Variants in TEX14 observed in about 807,000 individuals in gnomAD.
TEX14 encodes inactive serine/threonine-protein kinase TEX14.
In TEX14, 168 loss-of-function variants were observed where a neutral mutation model predicts 178.6. The ratio of observed to expected loss-of-function variants is 0.94; its 90% CI spans 0.83 to 1.07. The LOEUF (loss-of-function observed/expected upper bound fraction) is 1.07, where lower values mean the gene tolerates loss of function less well. Ranked by LOEUF, TEX14 falls within the 50% of genes least tolerant of loss-of-function variation. TEX14 has a pLI of 0.00. For synonymous variants in TEX14, 626 were observed against 634.1 expected, an observed-to-expected ratio of 0.99 and a Z score of 0.19; for missense variants, 1,730 against 1,753.6, an observed-to-expected ratio of 0.99 and a Z score of 0.24.
At position 58,615,229 on chromosome 17, in the gene TEX14, C is replaced by T; in HGVS notation, c.881+3G>A. 2 of 1,599,860 alleles carry T rather than the reference C, an allele frequency of 1.3e-6. No homozygotes were observed. The highest frequency in any genetic ancestry group is 1.7e-6 in the Non-Finnish European group (2 of 1,167,206). ...TATAAGGGGCCTTGGGCTTCCTTCT[C>T]ACCTGCTGTGTTCCTGCTCGGCAAT... is the stretch of plus-strand genomic sequence containing the variant. On this transcript the variant is annotated splice_donor_region_variant and intron_variant, in intron 8 of 31. Transcript: ENST00000349033.
At chr17:58,675,000 G>A (rs1433029882) in intron 1 of TEX14, among the ~76,000 whole-genome samples, 4 of 151,826 alleles carry the variant, frequency 2.6e-5, no homozygotes, top group Non-Finnish European at 4.4e-5. Flanking sequence ...ACAAAAATTA[G>A]CTGGGCATGG....
intron 11 of TEX14, among the ~76,000 whole-genome samples, chr17:58,603,214 T>C (rs1167479144): frequency 1.3e-5 from 2 of 151,338 alleles, no homozygotes; most frequent in Non-Finnish European, 2.9e-5. Context: ...CCAATATTCA[T>C]CTCATGTATA....
At chr17:58,582,632 C>T (rs1438203692) in intron 19 of TEX14, among the ~76,000 whole-genome samples, 2 of 147,906 alleles carry the variant, frequency 1.4e-5, no homozygotes, top group East Asian at 4.0e-4. Flanking sequence ...GGCATGATCT[C>T]GGCTCACTGC....
At chr17:58,674,021 C>T (rs918469541) in intron 1 of TEX14, among the ~76,000 whole-genome samples, 3 of 152,136 alleles carry the variant, frequency 2.0e-5, no homozygotes, top group Admixed American at 2.0e-4. Flanking sequence ...CACCTGTAAT[C>T]CTGGCACTTT....
At chr17:58,623,107 A>G in intron 3 of TEX14, 95 bp from the exon 4 acceptor site, 1 of 1,150,198 alleles carries the variant, frequency 8.7e-7, no homozygotes, top group Non-Finnish European at 1.2e-6. Context: ...CCCATTCTAC[A>G]AGGCAACGTT....
At chr17:58,596,015 T>C (rs761102472) in intron 14 of TEX14, among the ~76,000 whole-genome samples, 19 of 152,082 alleles carry the variant, frequency 1.2e-4, no homozygotes, top group Non-Finnish European at 2.2e-4. Flanking sequence ...AAACCCCCTC[T>C]CTACTAAAAA....
At chr17:58,595,354 T>C (rs980015593) in intron 14 of TEX14, among the ~76,000 whole-genome samples, 9 of 152,304 alleles carry the variant, frequency 5.9e-5, no homozygotes, top group Non-Finnish European at 1.0e-4. Flanking sequence ...TACTAGTAGA[T>C]TGTTTCCAGC....
chr17:58,557,968 T>TAGA, intron 30 of TEX14, 118 bp from the exon 31 acceptor site: 1 of 674,372 alleles, frequency 1.5e-6, no homozygotes, highest in Non-Finnish European at 2.5e-6. Flanking sequence ...CTACAATGGT[T>TAGA]GTTATATTCT....
At chr17:58,653,258 T>C (rs555231236) in intron 1 of TEX14, among the ~76,000 whole-genome samples, 5 of 152,234 alleles carry the variant, frequency 3.3e-5, no homozygotes, top group Non-Finnish European at 5.9e-5. Flanking sequence ...AGGAACTAAT[T>C]TGTGTACAGT....
In TEX14 at chr17:58,601,829, T is replaced by C. The variant is rs754824033; in HGVS notation, c.1655A>G (p.Glu552Gly). The change falls in exon 13 of 32, where the codon GAA (glutamate) becomes GGA (glycine). Residue 552 changes from glutamate to glycine, a missense_variant. Physicochemically the swap from Glu to Gly is moderately conservative, Grantham distance 98. Around this residue, in one of 2 missense-constraint regions of TEX14, gnomAD observed 941 missense variants for 1,072.4 expected, o/e 0.88. Coordinates refer to ENST00000349033, the MANE Select transcript of TEX14 (RefSeq NM_031272.5). ...SEHPRETPDM[E>G]IIELKEMGSQ... ...ACCCATTTCCTTTAGTTCTATGATT[T>C]CCATGTCAGGTGTCTCTCTGGGGTG... 6.2e-7 allele frequency: 1 copy of C among 1,613,200 alleles called. No homozygotes were observed. Among genetic ancestry groups the C allele is most frequent in the South Asian group, 1.1e-5 (1 of 91,036 alleles).
intron 10 of TEX14, among the ~76,000 whole-genome samples, chr17:58,609,788 G>A (rs1476382790): frequency 1.3e-5 from 2 of 152,134 alleles, no homozygotes; most frequent in African/African-American, 2.4e-5. Context: ...GTGCACATAC[G>A]CAAAGGCCTG....
intron 2 of TEX14, chr17:58,647,998 C>G (rs910476090): frequency 6.6e-6 from 1 of 152,322 alleles, no homozygotes; most frequent in Admixed American, 6.6e-5. Flanking sequence ...GTACCCAGGC[C>G]GATTCCAATT....
rs1009035187 is a variant in TEX14 at position 58,603,817 on chromosome 17, G to A, written c.1336+1161C>T. ...TGCAGTGAGCCAAGATCCCGCCACTGCACTTCAGCCTGGGCAACAGAGTGA... is the reference window on the plus strand; with the variant it reads ...TGCAGTGAGCCAAGATCCCGCCACTACACTTCAGCCTGGGCAACAGAGTGA... On this transcript the variant is annotated intron_variant, in intron 11 of 31. Coordinates refer to ENST00000349033, the MANE Select transcript of TEX14 (RefSeq NM_031272.5). Among the ~76,000 whole-genome samples the A allele has an allele frequency of 3.4e-5, 5 of 149,226 alleles. No individual in the cohort carries two copies. The Admixed American group carries it at 3.4e-4, about 10-fold the overall frequency.
chr17:58,581,493 G>T, intron 19 of TEX14: 1 of 1,143,878 alleles, frequency 8.7e-7, no homozygotes, highest in Non-Finnish European at 1.3e-6. Flanking sequence ...ACCAAAAAAG[G>T]TATAAAAAAT....
intron 2 of TEX14, among the ~76,000 whole-genome samples, chr17:58,644,766 C>G (rs1394021365): frequency 6.7e-6 from 1 of 149,656 alleles, no homozygotes; most frequent in African/African-American, 2.5e-5. Context: ...CCTCAGCCTC[C>G]CAAGTAGTTG....
intron 2 of TEX14, among the ~76,000 whole-genome samples, chr17:58,644,848 A>C (rs1276861779): frequency 7.1e-6 from 1 of 139,968 alleles, no homozygotes; most frequent in Non-Finnish European, 1.5e-5. Context: ...ACAGGGTTTC[A>C]CCATGTTGGC....
intron 1 of TEX14, chr17:58,666,706 T>C (rs2047218934): frequency 6.6e-6 from 1 of 152,178 alleles, no homozygotes; most frequent in Admixed American, 6.5e-5. Context: ...ATGAGGTACT[T>C]GCGTGACCCC....
At chr17:58,581,544 C>A (rs2044818973) in intron 19 of TEX14, 1 of 1,562,978 alleles carries the variant, frequency 6.4e-7, no homozygotes, top group African/African-American at 1.4e-5. Flanking sequence ...AGCTATTTTT[C>A]TCAATAAAAG....
chr17:58,572,062 C>T lies in TEX14; in HGVS notation c.3576G>A (p.Lys1192=), dbSNP rs1309842754. The change falls in exon 24 of 32, where the codon AAG becomes AAA. Residue 1192 remains lysine (K), a synonymous_variant. Transcript: ENST00000349033. ...DCLESITFQV[K]TEFASCWNSQ... ...TGTTCCAGCAAGAGGCAAACTCTGT[C>T]TTAACCTGAAATGTGATACTTTCAA... 1.9e-6 allele frequency: 3 copies of T among 1,614,062 alleles called. No individual in the cohort carries two copies. The highest frequency in any genetic ancestry group is 1.3e-5 in the African/African-American group (1 of 74,926).
Sources: allele counts gnomAD v4.1 joint callset (sites outside exome capture counted in the v4.1 genomes callset), GRCh38; gene constraint gnomAD v4.1.1; regional missense constraint gnomAD v4.1.1; transcripts MANE v1.5; gene names NCBI Gene and HGNC (gene_info 2026-07-23, HGNC 2026-07-21).